Variants in MTMR3 observed in about 807,000 individuals in gnomAD.
MTMR3 encodes the protein phosphatidylinositol-3,5-bisphosphate 3-phosphatase MTMR3.
In MTMR3, 32 loss-of-function variants were observed where a neutral mutation model predicts 132.4. The ratio of observed to expected loss-of-function variants is 0.24; its 90% confidence interval spans 0.18 to 0.32. MTMR3 has a LOEUF of 0.32. MTMR3 is among the 10% of genes least tolerant of loss of function. MTMR3 has a pLI of 1.00. For synonymous variants in MTMR3, 556 were observed against 550.3 expected, an observed-to-expected ratio of 1.01 and a Z score of -0.14; for missense variants, 1,216 against 1,489.6, an observed-to-expected ratio of 0.82 and a Z score of 3.02.
intron 7 of MTMR3, chr22:29,996,233 C>A (rs780878649): frequency 6.6e-6 from 1 of 152,210 alleles, no homozygotes; most frequent in South Asian, 2.1e-4. Context: ...TATGAAGTCA[C>A]TGCCTTAGAG....
chr22:29,947,193 T>G lies in MTMR3; in HGVS notation c.-137-9843T>G, dbSNP rs374469611. 5.9e-5 allele frequency among the ~76,000 whole-genome samples: 9 copies of G among 152,338 alleles called. No homozygotes were observed. In the East Asian group the frequency reaches 1.2e-3, roughly 20 times the overall value. On this transcript the variant is annotated intron_variant, in intron 1 of 19. Coordinates refer to ENST00000401950, the MANE Select transcript of MTMR3 (RefSeq NM_021090.4). ...ATAAACATATTATTTCTTTCTCCTC[T>G]TTCCGACATAGCTCCTTTGACAAAT...
chr22:29,932,285 C>T (rs1602501277), intron 1 of MTMR3, among the ~76,000 whole-genome samples: 1 of 152,294 alleles, frequency 6.6e-6, no homozygotes, highest in East Asian at 1.9e-4. Flanking sequence ...TTATAGCTCT[C>T]TCCCTACTAA....
chr22:30,003,836 T>G (rs953766465), intron 9 of MTMR3: 1 of 152,246 alleles, frequency 6.6e-6, no homozygotes, highest in African/African-American at 2.4e-5. Flanking sequence ...TCCTTCTTAT[T>G]CTGGAAATGT....
chr22:29,919,109 T>C (rs1292689857), intron 1 of MTMR3, among the ~76,000 whole-genome samples: 1 of 152,230 alleles, frequency 6.6e-6, no homozygotes, highest in African/African-American at 2.4e-5. Context: ...TTATCACTCA[T>C]AATGTTTTTT....
At position 30,002,894 on chromosome 22, in the gene MTMR3, A is replaced by G; in HGVS notation, c.572A>G (p.Tyr191Cys). 1.9e-6 allele frequency: 3 copies of G among 1,613,392 alleles called. No homozygotes were observed. Among genetic ancestry groups the G allele is most frequent in the Non-Finnish European group, 1.7e-6 (2 of 1,179,502 alleles). The change falls in exon 9 of 20, where the codon TAT (tyrosine) becomes TGT (cysteine). Residue 191 changes from tyrosine to cysteine, a missense_variant. By Grantham distance (194) the Tyr-to-Cys change is radical. Around this residue, in one of 7 missense-constraint regions of MTMR3, gnomAD observed 129 missense variants for 245.7 expected, o/e 0.53. Coordinates refer to ENST00000401950, the MANE Select transcript of MTMR3 (RefSeq NM_021090.4). The part of the protein sequence containing the change: ...INEKYKLCGS[Y>C]PQELIVPAWI... ...CTTCTCTTTAGATTATGTGGTAGCT[A>G]TCCTCAAGAGCTCATAGTGCCTGCC...
chr22:30,001,109 TG>T (rs2043317844), intron 8 of MTMR3: 1 of 152,116 alleles, frequency 6.6e-6, no homozygotes, highest in Non-Finnish European at 1.5e-5. Flanking sequence ...CTTAAAAATT[TG>T]GCCAGGCATG....
intron 2 of MTMR3, among the ~76,000 whole-genome samples, chr22:29,963,208 A>G (rs772895726): frequency 6.6e-6 from 1 of 151,948 alleles, no homozygotes; most frequent in Non-Finnish European, 1.5e-5. Flanking sequence ...GGACTTCCCA[A>G]AGTGCTGGGA....
chr22:30,016,335 G>C, intron 14 of MTMR3, 193 bp from the exon 15 acceptor site: 1 of 572,656 alleles, frequency 1.7e-6, no homozygotes, highest in South Asian at 2.2e-5. Context: ...CAACCTGTCT[G>C]ACTCAGGTTG....
At chr22:29,962,789 T>C (rs767780092) in intron 2 of MTMR3, among the ~76,000 whole-genome samples, 1 of 152,210 alleles carries the variant, frequency 6.6e-6, no homozygotes, top group Admixed American at 6.5e-5. Flanking sequence ...GGACATTTCA[T>C]ATAAATGATA....
At chr22:30,018,134 G>A (rs1051149713) in intron 16 of MTMR3, 62 bp downstream of exon 16, 5 of 1,505,836 alleles carry the variant, frequency 3.3e-6, no homozygotes, top group Non-Finnish European at 4.4e-6. Flanking sequence ...GTGTTGGGAC[G>A]TGTGCAGGGA....
chr22:29,953,878 G>A (rs182628799), intron 1 of MTMR3, among the ~76,000 whole-genome samples: 43 of 151,982 alleles, frequency 2.8e-4, no homozygotes, highest in African/African-American at 9.9e-4. Flanking sequence ...TAGATTTAAT[G>A]CAACCACATT....
intron 2 of MTMR3, among the ~76,000 whole-genome samples, chr22:29,957,454 TTTA>T (rs869293610): frequency 7.5e-6 from 1 of 133,870 alleles, no homozygotes; most frequent in Non-Finnish European, 1.7e-5. Context: ...TATTTATTTA[TTTA>T]TTGATATATT....
intron 1 of MTMR3, among the ~76,000 whole-genome samples, chr22:29,956,564 A>ACCAT (rs1030959693): frequency 6.6e-6 from 1 of 152,088 alleles, no homozygotes; most frequent in Non-Finnish European, 1.5e-5. Context: ...TTGTTTTTCT[A>ACCAT]CCATATTCTC....
rs1179336272 is a variant in MTMR3, at chr22:29,979,124, A to G, written c.210+72A>G. ...AAGTCAAAAAACTTAATGCTCTCAAAGAGAGGAGAGGCATACAGAATTGGG... is the reference window on the plus strand; with the variant it reads ...AAGTCAAAAAACTTAATGCTCTCAAGGAGAGGAGAGGCATACAGAATTGGG... On this transcript the variant is annotated intron_variant, in intron 5 of 19. Coordinates refer to ENST00000401950, the MANE Select transcript of MTMR3 (RefSeq NM_021090.4). 4.1e-6 allele frequency: 4 copies of G among 980,104 alleles called. No individual in the cohort carries two copies. In the East Asian group the frequency reaches 9.6e-5, roughly 23 times the overall value. 60.7% of individuals were successfully genotyped at this position (980,104 alleles called of 1,614,324 possible).
At chr22:29,967,247 G>GCA (rs1283141410) in intron 2 of MTMR3, among the ~76,000 whole-genome samples, 5 of 150,418 alleles carry the variant, frequency 3.3e-5, no homozygotes, top group Admixed American at 2.6e-4. Context: ...GCGCGCGCGC[G>GCA]CGCATGTTTT....
In MTMR3 at chr22:30,022,616, G is replaced by A. The variant is rs754896200; in HGVS notation, c.3344G>A (p.Arg1115His). The A allele has an allele frequency of 5.0e-6, 8 of 1,612,882 alleles. No individual in the cohort carries two copies. The highest frequency in any genetic ancestry group is 1.7e-5 in the Admixed American group (1 of 60,002). ...GTCCCATCTGTTTTGCAGATGACCCGTTGGCTTCCTGACCACCTGGCCGCC... is the reference window on the plus strand; with the variant it reads ...GTCCCATCTGTTTTGCAGATGACCCATTGGCTTCCTGACCACCTGGCCGCC... ...QVDKQDTEMT[R>H]WLPDHLAAHC... Residue 1115 changes from arginine to histidine, a missense_variant, in exon 19 of 20, where the codon CGT becomes CAT. Physicochemically the swap from Arg to His is conservative, Grantham distance 29. Around this residue, in one of 7 missense-constraint regions of MTMR3, gnomAD observed 852 missense variants for 852.0 expected, o/e 1.00. Transcript: ENST00000401950.
At chr22:29,991,932 G>A (rs1478070136) in intron 7 of MTMR3, 8 of 289,494 alleles carry the variant, frequency 2.8e-5, no homozygotes, top group Non-Finnish European at 5.1e-5. Context: ...GAATAGTATG[G>A]AAGCCTGATA....
intron 1 of MTMR3, among the ~76,000 whole-genome samples, chr22:29,900,940 G>A (rs1042270360): frequency 1.3e-5 from 2 of 152,112 alleles, no homozygotes; most frequent in Non-Finnish European, 2.9e-5. Flanking sequence ...GTTTGCCTTG[G>A]CCTCCCAAAA....
intron 1 of MTMR3, among the ~76,000 whole-genome samples, chr22:29,911,971 G>T (rs2065221982): frequency 6.6e-6 from 1 of 152,090 alleles, no homozygotes; most frequent in African/African-American, 2.4e-5. Context: ...CCTCTTTATT[G>T]TTTTCTTACA....
Sources: gnomAD v4.1 joint callset for allele counts (sites outside exome capture counted in the v4.1 genomes callset) on GRCh38, gnomAD v4.1.1 for gene constraint, gnomAD v4.1.1 regional missense constraint, MANE v1.5 for transcripts, NCBI Gene and HGNC (gene_info 2026-07-23, HGNC 2026-07-21) for gene names.